DHX38: variants seen among roughly 807,000 people sequenced by gnomAD.
DHX38 encodes pre-mRNA-splicing factor ATP-dependent RNA helicase PRP16.
In DHX38, 100 loss-of-function variants were observed where a neutral mutation model predicts 153.1. The observed-to-expected ratio is 0.65, with a 90% CI of 0.56 to 0.77. DHX38 has a LOEUF of 0.77. Ranked by LOEUF, DHX38 falls within the 30% of genes least tolerant of loss-of-function variation. DHX38 has a pLI of 0.00. For missense variants in DHX38, 1,440 were observed against 1,654.0 expected, an observed-to-expected ratio of 0.87 and a Z score of 2.24; for synonymous variants, 650 against 631.7, an observed-to-expected ratio of 1.03 and a Z score of -0.43.
At chr16:72,105,743 G>A (rs1367051524) in intron 18 of DHX38, 119 bp downstream of exon 18, 12 of 983,154 alleles carry the variant, frequency 1.2e-5, no homozygotes, top group Non-Finnish European at 1.7e-5. Flanking sequence ...GGAAGTGGTG[G>A]TGGTGGTGGG....
At chr16:72,103,232 G>A in intron 12 of DHX38, 21 bp downstream of exon 12, 1 of 1,609,956 alleles carries the variant, frequency 6.2e-7, no homozygotes, top group Non-Finnish European at 8.5e-7. Context: ...CCGGGGCCCA[G>A]GAATCTAGTG....
At position 72,103,691 on chromosome 16, in the gene DHX38, A is replaced by G. The variant is rs1235084204; in HGVS notation, c.1727A>G (p.Asp576Gly). 1.2e-6 allele frequency: 2 copies of G among 1,614,156 alleles called. No individual in the cohort carries two copies. Among genetic ancestry groups the G allele is most frequent in the South Asian group, 2.2e-5 (2 of 91,078 alleles). Residue 576 changes from aspartate (D) to glycine (G), a missense_variant, in exon 13 of 27, where the codon GAC (aspartate) becomes GGC (glycine). This residue lies in a region of DHX38 where 241 missense variants were observed against 229.5 expected (regional missense o/e 1.05). Coordinates refer to ENST00000268482, the MANE Select transcript of DHX38 (RefSeq NM_014003.4). ...TACCTGCATGAAGATGGTTACACGG[A>G]CTATGGGATGATTGGGTGTACCCAG... Reference protein sequence around the residue: ...TQYLHEDGYTDYGMIGCTQPR... With the variant: ...TQYLHEDGYTGYGMIGCTQPR...
intron 25 of DHX38, 132 bp downstream of exon 25, chr16:72,109,642 A>C: frequency 1.2e-6 from 1 of 842,390 alleles, no homozygotes; most frequent in Non-Finnish European, 1.7e-6. Flanking sequence ...GTGATCCAGC[A>C]GGCTGGGTCT....
chr16:72,098,424 C>T (rs1172710938), intron 4 of DHX38, among the ~76,000 whole-genome samples: 1 of 152,054 alleles, frequency 6.6e-6, no homozygotes, highest in African/African-American at 2.4e-5. Context: ...CAGAGCAAGA[C>T]TTTGTCTCAA....
rs2042101796 is a variant in DHX38 at position 72,101,560 on chromosome 16, A to G, written c.1447A>G (p.Lys483Glu). Residue 483 changes from lysine (K) to glutamate (E), a missense_variant, in exon 11 of 27, where the codon AAG (lysine) becomes GAG (glutamate). Physicochemically the swap from Lys to Glu is moderately conservative, Grantham distance 56. Transcript: ENST00000268482. Reference sequence around the variant, plus strand: ...ACTGGGAGATATAATGGGCGTCAAGAAGGAGGAAGAGCCAGATAAAGCTGT... The same window carrying G: ...ACTGGGAGATATAATGGGCGTCAAGGAGGAGGAAGAGCCAGATAAAGCTGT... ...TKLGDIMGVK[K>E]EEEPDKAVTE... is the part of the protein sequence containing the mutation. 3.2e-6 allele frequency: 5 copies of G among 1,552,012 alleles called. No individual in the cohort carries two copies. In the South Asian group the frequency reaches 5.9e-5, roughly 18 times the overall value.
chr16:72,109,049 C>T (rs1242688384), intron 24 of DHX38, 124 bp downstream of exon 24: 38 of 1,398,270 alleles, frequency 2.7e-5, no homozygotes, highest in South Asian at 7.4e-5. Context: ...CATTGTTTTG[C>T]GGGGCATGTG....
At chr16:72,102,259 T>G (rs1392028992) in intron 11 of DHX38, among the ~76,000 whole-genome samples, 1 of 152,224 alleles carries the variant, frequency 6.6e-6, no homozygotes, top group Non-Finnish European at 1.5e-5. Flanking sequence ...AAGTTGGTAC[T>G]ATTGATCAGC....
intron 10 of DHX38, 110 bp from the exon 11 acceptor site, chr16:72,101,390 C>G: frequency 8.1e-7 from 1 of 1,230,254 alleles, no homozygotes; most frequent in Admixed American, 2.1e-5. Context: ...CACCAGCACT[C>G]TGGGGGAGTT....
chr16:72,108,321 A>C lies in DHX38; in HGVS notation c.3059A>C (p.Asn1020Thr). ...CTGAATGTTTACCTGCAGTGGAAGA[A>C]CAATAATTACTCCACCATCTGGTGT... is the stretch of plus-strand genomic sequence containing the variant. ...TYLNVYLQWK[N>T]NNYSTIWCND... Residue 1020 changes from asparagine (N) to threonine (T), a missense_variant, in exon 22 of 27, where the codon AAC (asparagine) becomes ACC (threonine). Physicochemically the swap from Asn to Thr is moderately conservative, Grantham distance 65. Around this residue, in one of 6 missense-constraint regions of DHX38, gnomAD observed 543 missense variants for 717.9 expected, o/e 0.76. Coordinates refer to ENST00000268482, the MANE Select transcript of DHX38 (RefSeq NM_014003.4). The C allele has an allele frequency of 1.2e-6, 2 of 1,614,176 alleles. No homozygotes were observed. The highest frequency in any genetic ancestry group is 1.7e-6 in the Non-Finnish European group (2 of 1,180,036).
At chr16:72,105,456 C>T (rs776019102) in intron 17 of DHX38, 61 bp from the exon 18 acceptor site, 3 of 1,606,590 alleles carry the variant, frequency 1.9e-6, no homozygotes, top group Non-Finnish European at 2.6e-6. Context: ...GCTTTTCCCC[C>T]TCGCGGAGCC....
At position 72,110,969 on chromosome 16, in the gene DHX38, G is replaced by C; in HGVS notation, c.3491G>C (p.Arg1164Pro). ...AGKSRQENRR[R>P]AKEEASAMEE... ...CCTCTTCAATAGGAGAACCGTCGTC[G>C]GGCCAAAGAGGAAGCCTCTGCCATG... The change falls in exon 26 of 27, where the codon CGG becomes CCG. Residue 1164 changes from arginine to proline, a missense_variant. Arg to Pro is a moderately radical substitution (Grantham distance 103). Around this residue, in one of 6 missense-constraint regions of DHX38, gnomAD observed 543 missense variants for 717.9 expected, o/e 0.76. Coordinates refer to ENST00000268482, the MANE Select transcript of DHX38 (RefSeq NM_014003.4). 3 of 1,587,148 alleles carry C rather than the reference G, an allele frequency of 1.9e-6. No individual in the cohort carries two copies. Among genetic ancestry groups the C allele is most frequent in the South Asian group, 1.1e-5 (1 of 87,016 alleles).
rs2042230378 is a variant in DHX38 at position 72,109,528 on chromosome 16, T to C, written c.3477+18T>C. The C allele has an allele frequency of 6.2e-7, 1 of 1,601,096 alleles. No homozygotes were observed. The highest frequency in any genetic ancestry group is 2.3e-5 in the East Asian group (1 of 43,954). On this transcript the variant is annotated intron_variant, in intron 25 of 26. Coordinates refer to ENST00000268482, the MANE Select transcript of DHX38 (RefSeq NM_014003.4). ...CACGGCAGGTGAGGATTCTGTGCTCTTCGCAGGGGTGCTGTTTGCCTGTGG... is the reference window on the plus strand; with the variant it reads ...CACGGCAGGTGAGGATTCTGTGCTCCTCGCAGGGGTGCTGTTTGCCTGTGG...
chr16:72,098,708 G>A lies in DHX38; in HGVS notation c.680G>A (p.Arg227His), dbSNP rs773202438. The change falls in exon 5 of 27, where the codon CGC becomes CAC. Residue 227 changes from arginine to histidine, a missense_variant. Transcript: ENST00000268482. ...EEDSGYGSSR[R>H]SQWESPSPTP... ...GACAGTGGCTATGGCTCCTCAAGGCGCTCACAGTGGGAATCGCCCTCCCCG... is the reference window on the plus strand; with the variant it reads ...GACAGTGGCTATGGCTCCTCAAGGCACTCACAGTGGGAATCGCCCTCCCCG... 30 of 1,613,856 alleles carry A rather than the reference G, an allele frequency of 1.9e-5. No homozygotes were observed. The highest frequency in any genetic ancestry group is 1.3e-4 in the Admixed American group (8 of 59,988).
In DHX38 at chr16:72,108,557, G is replaced by A. The variant is rs1316163631; in HGVS notation, c.3205G>A (p.Val1069Ile). 1 of 1,614,178 alleles carries A rather than the reference G, an allele frequency of 6.2e-7. No individual in the cohort carries two copies. Among genetic ancestry groups the A allele is most frequent in the South Asian group, 1.1e-5 (1 of 91,078 alleles). The change falls in exon 23 of 27, where the codon GTC (valine) becomes ATC (isoleucine). Residue 1069 changes from valine (V) to isoleucine (I), a missense_variant. Val to Ile is a conservative substitution (Grantham distance 29). Around this residue, in one of 6 missense-constraint regions of DHX38, gnomAD observed 543 missense variants for 717.9 expected, o/e 0.76. Transcript: ENST00000268482. ...LASCGTDWDI[V>I]RKCICAAYFH... ...CTCGTGTGGCACTGACTGGGACATCGTCAGGAAGTGCATCTGTGCTGCCTA... is the reference window on the plus strand; with the variant it reads ...CTCGTGTGGCACTGACTGGGACATCATCAGGAAGTGCATCTGTGCTGCCTA...
At chr16:72,100,932 C>A (rs2269918) in intron 9 of DHX38, 154 bp from the exon 10 acceptor site, 308,659 of 746,542 alleles carry the variant, frequency 0.41, 69,584 homozygotes, top group African/African-American at 0.74. Context: ...GTCTCACACA[C>A]AAAAAAGGCC....
At chr16:72,106,448 C>CTTTCTTTG (rs2144165824) in intron 19 of DHX38, among the ~76,000 whole-genome samples, 1 of 151,142 alleles carries the variant, frequency 6.6e-6, no homozygotes, top group South Asian at 2.1e-4. Context: ...CATTTTCTTT[C>CTTTCTTTG]TTTCTTTTTT....
chr16:72,099,738 G>C lies in DHX38; in HGVS notation c.967G>C (p.Asp323His). ...TTTGCCTCCTGCCCTGCAGCAAGCC[G>C]ATCGGGATTGGTACATGATGGACGA... Reference protein sequence around the residue: ...QQWEDDQRQADRDWYMMDEGY... With the variant: ...QQWEDDQRQAHRDWYMMDEGY... Residue 323 changes from aspartate (D) to histidine (H), a missense_variant, in exon 8 of 27, where the codon GAT becomes CAT. Asp to His is a moderately conservative substitution (Grantham distance 81). This residue lies in a region of DHX38 where 483 missense variants were observed against 465.1 expected (regional missense o/e 1.04). Transcript: ENST00000268482. 1 of 1,614,074 alleles carries C rather than the reference G, an allele frequency of 6.2e-7. No homozygotes were observed. The highest frequency in any genetic ancestry group is 1.1e-5 in the South Asian group (1 of 91,058).
chr16:72,108,443 CCCTCCT>C, intron 22 of DHX38, 24 bp from the exon 23 acceptor site: 1 of 1,613,712 alleles, frequency 6.2e-7, no homozygotes, highest in Non-Finnish European at 8.5e-7. Context: ...AAGGAGGGCT[CCCTCCT>C]GGTGCCTCCG....
At chr16:72,094,208 A>G (rs1306688955) in intron 1 of DHX38, 157 bp downstream of exon 1, 1 of 152,840 alleles carries the variant, frequency 6.5e-6, no homozygotes, top group Non-Finnish European at 1.5e-5. Context: ...GGGATGCTGC[A>G]TCCGTCCTGG....
Sources: gnomAD v4.1 joint callset for allele counts (sites outside exome capture counted in the v4.1 genomes callset) on GRCh38, gnomAD v4.1.1 for gene constraint, gnomAD v4.1.1 regional missense constraint, MANE v1.5 for transcripts, NCBI Gene and HGNC (gene_info 2026-07-23, HGNC 2026-07-21) for gene names.